The following LIMS2 variants were observed in gnomAD, a reference collection of about 807,000 sequenced individuals.
The protein encoded by LIMS2 is LIM and senescent cell antigen-like-containing domain protein 2.
In LIMS2, 30 loss-of-function variants were observed where a neutral mutation model predicts 45.3. That is an observed-to-expected ratio of 0.66 (90% confidence interval 0.50 to 0.90). The LOEUF (loss-of-function observed/expected upper bound fraction) is 0.90, where lower values mean the gene tolerates loss of function less well. Ranked by LOEUF, LIMS2 falls within the 40% of genes least tolerant of loss-of-function variation. LIMS2 has a pLI of 0.00. For missense variants in LIMS2, 485 were observed against 468.7 expected (o/e 1.03, Z -0.32); for synonymous variants, 173 against 188.0 (o/e 0.92, Z 0.65).
intron 1 of LIMS2, among the ~76,000 whole-genome samples, chr2:127,673,474 G>A (rs1045195358): frequency 6.6e-6 from 1 of 152,146 alleles, no homozygotes; most frequent in African/African-American, 2.4e-5. Flanking sequence ...ACCCCTGCTC[G>A]CCACCACCTG....
intron 1 of LIMS2, 138 bp downstream of exon 1, chr2:127,674,876 G>A (rs1685435975): frequency 5.8e-6 from 7 of 1,212,784 alleles, no homozygotes; most frequent in East Asian, 3.3e-5. Flanking sequence ...CTGCCGCCCC[G>A]GCAGCTGCGA....
chr2:127,677,715 A>C (rs1573857452), upstream of LIMS2, among the ~76,000 whole-genome samples: 2 of 152,152 alleles, frequency 1.3e-5, no homozygotes, highest in Non-Finnish European at 2.9e-5. This position sits in a 1 kb window ranked among gnomAD's most constrained non-coding sequence, Gnocchi z 5.0. Context: ...CAGACACAAC[A>C]CTCTAGCATC....
intron 4 of LIMS2, chr2:127,651,777 G>A (rs186562659): frequency 9.0e-5 from 144 of 1,603,728 alleles, no homozygotes; most frequent in African/African-American, 8.3e-4. Context: ...CGTCCAGGCC[G>A]AGCGCAGACT....
chr2:127,639,406 T>C lies in LIMS2; in HGVS notation c.901A>G (p.Met301Val). 2 of 1,613,834 alleles carry C rather than the reference T, an allele frequency of 1.2e-6. No individual in the cohort carries two copies. Among genetic ancestry groups the C allele is most frequent in the Non-Finnish European group, 1.7e-6 (2 of 1,179,870 alleles). Residue 301 changes from methionine to valine, a missense_variant, in exon 10 of 10, where the codon ATG becomes GTG. Coordinates refer to ENST00000355119, the MANE Select transcript of LIMS2 (RefSeq NM_001161403.3). ...TAGCACCTCTTACACACGGGCTTCA[T>C]GTCGAACTCCACAAACTTGTTCCTG... Reference protein sequence around the residue: ...TLKNKFVEFDMKPVCKRCYEK... With the variant: ...TLKNKFVEFDVKPVCKRCYEK...
chr2:127,649,862 T>C (rs958479199), intron 4 of LIMS2: 49 of 669,816 alleles, frequency 7.3e-5, no homozygotes, highest in Non-Finnish European at 1.1e-4. Flanking sequence ...CGCTGGCCAG[T>C]GTCTCTGACG....
In LIMS2 at chr2:127,651,042, G is replaced by A. The variant is rs531420786; in HGVS notation, c.359+3382C>T. The A allele has an allele frequency of 7.4e-5, 120 of 1,613,748 alleles. 2 individuals are homozygous for A. The South Asian group carries it at 9.9e-4, about 13-fold the overall frequency. On this transcript the variant is annotated intron_variant, in intron 4 of 9. Transcript: ENST00000355119. ...GAACCACTGGCCATTTGGGGAAATC[G>A]CATGCCGTCTCACCGGCTTCCTCTT...
Position 127,674,776 on chromosome 2 carries a change from G to C in LIMS2, c.11+238C>G, listed in dbSNP as rs1685429371. 3 of 985,420 alleles carry C rather than the reference G, an allele frequency of 3.0e-6. No individual in the cohort carries two copies. The African/African-American group carries it at 5.2e-5, about 17-fold the overall frequency. 61.0% of individuals were successfully genotyped at this position (985,420 alleles called of 1,614,324 possible). The stretch of plus-strand genomic sequence containing the variant: ...GCAGACGGCTGTCCCATCTTGCAGC[G>C]GGCGGGTGGGCAGGAGCTCCACCTT... On this transcript the variant is annotated intron_variant, in intron 1 of 9. Coordinates refer to ENST00000355119, the MANE Select transcript of LIMS2 (RefSeq NM_001161403.3).
Position 127,672,544 on chromosome 2 carries a change from C to G in LIMS2, c.11+2470G>C, listed in dbSNP as rs1685315517. Among the ~76,000 whole-genome samples the G allele has an allele frequency of 6.6e-6, 1 of 152,194 alleles. No individual in the cohort carries two copies. The highest frequency in any genetic ancestry group is 2.4e-5 in the African/African-American group (1 of 41,454). On this transcript the variant is annotated intron_variant, in intron 1 of 9. Transcript: ENST00000355119. This position sits in a 1 kb window ranked among gnomAD's most constrained non-coding sequence, Gnocchi z 4.9. Reference sequence around the variant, plus strand: ...GAGGGGCATCCTCCCGAGCCCCACCCTCTGTGGCCCACCTCACAGCCAGTC... The same window carrying G: ...GAGGGGCATCCTCCCGAGCCCCACCGTCTGTGGCCCACCTCACAGCCAGTC...
At chr2:127,661,842 G>C (rs986180548) in intron 1 of LIMS2, among the ~76,000 whole-genome samples, 3 of 152,198 alleles carry the variant, frequency 2.0e-5, no homozygotes, top group Admixed American at 6.5e-5. Context: ...TTGAAGCACA[G>C]AGAGAGTCAG....
At chr2:127,677,399 G>A (rs1487097605), upstream of LIMS2, among the ~76,000 whole-genome samples, 1 of 152,172 alleles carries the variant, frequency 6.6e-6, no homozygotes, top group Non-Finnish European at 1.5e-5. The surrounding 1 kb of genome is among the most constrained non-coding windows in gnomAD (Gnocchi z 5.0). Flanking sequence ...AATGGTGGTG[G>A]CTGCTTTAGA....
chr2:127,648,597 T>G (rs1037251787), intron 4 of LIMS2, among the ~76,000 whole-genome samples: 8 of 152,056 alleles, frequency 5.3e-5, no homozygotes, highest in Non-Finnish European at 8.8e-5. Flanking sequence ...GAGACAGCCC[T>G]GTGGAATCAG....
chr2:127,640,776 G>A (rs1246571387), intron 7 of LIMS2, 120 bp downstream of exon 7: 7 of 869,860 alleles, frequency 8.0e-6, no homozygotes, highest in Admixed American at 5.5e-5. Context: ...TGAGGGTGCA[G>A]GCCTGGGCTC....
At chr2:127,669,165 G>A (rs1438492358) in intron 1 of LIMS2, among the ~76,000 whole-genome samples, 1 of 152,110 alleles carries the variant, frequency 6.6e-6, no homozygotes, top group African/African-American at 2.4e-5. Context: ...CATTCAATGG[G>A]GCGAAGAGTA....
At chr2:127,639,998 G>A in intron 9 of LIMS2, 72 bp downstream of exon 9, 1 of 1,471,216 alleles carries the variant, frequency 6.8e-7, no homozygotes, top group Non-Finnish European at 9.5e-7. Context: ...GTGTGCAGGA[G>A]GGCTGCTGAG....
intron 1 of LIMS2, among the ~76,000 whole-genome samples, chr2:127,666,046 C>T (rs996023619): frequency 6.6e-6 from 1 of 152,156 alleles, no homozygotes; most frequent in African/African-American, 2.4e-5. Flanking sequence ...CTCTGCACAA[C>T]CTTACCACCC....
Position 127,672,916 on chromosome 2 carries a change from C to G in LIMS2, c.11+2098G>C, listed in dbSNP as rs1054545635. On this transcript the variant is annotated intron_variant, in intron 1 of 9. Transcript: ENST00000355119. The surrounding 1 kb of genome is among the most constrained non-coding windows in gnomAD (Gnocchi z 4.9). Reference sequence around the variant, plus strand: ...GCAGCATGGGGGATCCCGAGAGAACCAGGATCCAGGCACGAGGAGCTGCCC... The same window carrying G: ...GCAGCATGGGGGATCCCGAGAGAACGAGGATCCAGGCACGAGGAGCTGCCC... Among the ~76,000 whole-genome samples, 5 of 152,352 alleles carry G rather than the reference C, an allele frequency of 3.3e-5. No individual in the cohort carries two copies. Among genetic ancestry groups the G allele is most frequent in the South Asian group, 4.1e-4 (2 of 4,828 alleles).
In LIMS2 at chr2:127,672,822, A is replaced by T. The variant is rs1685328639; in HGVS notation, c.11+2192T>A. On this transcript the variant is annotated intron_variant, in intron 1 of 9. Coordinates refer to ENST00000355119, the MANE Select transcript of LIMS2 (RefSeq NM_001161403.3). The surrounding 1 kb of genome is among the most constrained non-coding windows in gnomAD (Gnocchi z 4.9). ...TCTTGCCTGGTGAGGTCCTAGGGAG[A>T]GCTGGCAGGGAGAAGCCCTGAAGGT... Among the ~76,000 whole-genome samples the T allele has an allele frequency of 6.6e-6, 1 of 152,098 alleles. No homozygotes were observed. The highest frequency in any genetic ancestry group is 2.1e-4 in the South Asian group (1 of 4,830).
rs544833137 is a variant in LIMS2 at position 127,639,216 on chromosome 2, G to C, written c.*65C>G. 6.4e-7 allele frequency: 1 copy of C among 1,564,416 alleles called. No individual in the cohort carries two copies. Among genetic ancestry groups the C allele is most frequent in the South Asian group, 1.1e-5 (1 of 87,314 alleles). On this transcript the variant is annotated 3_prime_UTR_variant, in exon 10 of 10. Transcript: ENST00000355119. ...GGCACAGGTGGATGGGGACGAGGGG[G>C]CCAAGCATGGACAGCAGGAGGGGAG... is the stretch of plus-strand genomic sequence containing the variant.
intron 1 of LIMS2, among the ~76,000 whole-genome samples, chr2:127,665,505 A>C (rs991630106): frequency 6.6e-6 from 1 of 152,208 alleles, no homozygotes; most frequent in African/African-American, 2.4e-5. Context: ...GGTACAGTAT[A>C]ATTTGTAAAT....
Sources: allele counts gnomAD v4.1 joint callset (sites outside exome capture counted in the v4.1 genomes callset), GRCh38; gene constraint gnomAD v4.1.1; non-coding constraint Gnocchi (gnomAD v3.1); transcripts MANE v1.5; gene names NCBI Gene and HGNC (gene_info 2026-07-23, HGNC 2026-07-21).